The following DTNB variants were observed in gnomAD, a reference collection of about 807,000 sequenced individuals.
DTNB encodes the protein dystrobrevin beta.
A neutral mutation model predicts 90.7 loss-of-function variants in DTNB; 63 were observed. The observed-to-expected ratio is 0.69, with a 90% CI of 0.57 to 0.86. DTNB has a LOEUF of 0.86. Among genes scored for constraint, DTNB ranks in the 40% least tolerant of loss-of-function variants. DTNB has a pLI of 0.00. For missense variants in DTNB, 744 were observed against 807.1 expected (o/e 0.92, Z 0.95); for synonymous variants, 277 against 286.7 (o/e 0.97, Z 0.34).
At chr2:25,445,703 C>T (rs945756680) in intron 12 of DTNB, among the ~76,000 whole-genome samples, 7 of 152,116 alleles carry the variant, frequency 4.6e-5, no homozygotes, top group Non-Finnish European at 8.8e-5. Flanking sequence ...TGAAATACCC[C>T]GCTGGGCATA....
chr2:25,554,143 A>G (rs1022969198), intron 8 of DTNB, among the ~76,000 whole-genome samples: 3 of 152,218 alleles, frequency 2.0e-5, no homozygotes, highest in African/African-American at 7.2e-5. Flanking sequence ...GAATGTGTAT[A>G]GGGAAAAACA....
chr2:25,544,417 G>A (rs1425002765), intron 8 of DTNB, among the ~76,000 whole-genome samples: 1 of 152,184 alleles, frequency 6.6e-6, no homozygotes, highest in Non-Finnish European at 1.5e-5. Context: ...ACGCTGACAG[G>A]CCCTGACATT....
intron 7 of DTNB, among the ~76,000 whole-genome samples, chr2:25,579,759 T>C (rs1345080038): frequency 6.6e-6 from 1 of 152,122 alleles, no homozygotes; most frequent in Non-Finnish European, 1.5e-5. Flanking sequence ...TCTTGGCTAT[T>C]TTTCTTTAAA....
At chr2:25,659,616 T>C (rs764335469) in intron 1 of DTNB, among the ~76,000 whole-genome samples, 13 of 152,154 alleles carry the variant, frequency 8.5e-5, no homozygotes, top group Non-Finnish European at 1.5e-4. Context: ...AGAAATATTA[T>C]GAACAATTCT....
intron 4 of DTNB, among the ~76,000 whole-genome samples, chr2:25,613,866 G>A (rs1225269525): frequency 6.6e-6 from 1 of 152,162 alleles, no homozygotes; most frequent in Non-Finnish European, 1.5e-5. Context: ...GCTGAGGCAG[G>A]AGAATTGCTT....
At chr2:25,603,828 ACAAT>A (rs2148481400) in intron 5 of DTNB, among the ~76,000 whole-genome samples, 1 of 152,320 alleles carries the variant, frequency 6.6e-6, no homozygotes, top group East Asian at 1.9e-4. Flanking sequence ...AAGTGAATAA[ACAAT>A]CAAAGATCAT....
At chr2:25,662,971 T>C (rs2083567209) in intron 1 of DTNB, among the ~76,000 whole-genome samples, 1 of 152,194 alleles carries the variant, frequency 6.6e-6, no homozygotes, top group Non-Finnish European at 1.5e-5. Context: ...GGTATACATG[T>C]GCCATGGTGG....
chr2:25,472,392 G>A (rs1038169338), intron 10 of DTNB, among the ~76,000 whole-genome samples: 1 of 152,192 alleles, frequency 6.6e-6, no homozygotes, highest in Admixed American at 6.5e-5. Flanking sequence ...CCTGCCTGGG[G>A]CATTGTGAGA....
intron 4 of DTNB, among the ~76,000 whole-genome samples, chr2:25,624,963 T>A (rs761567874): frequency 5.9e-5 from 9 of 152,210 alleles, no homozygotes. Flanking sequence ...TATCAAAATA[T>A]AACATATTCA....
At chr2:25,465,749 C>T (rs373880042) in intron 10 of DTNB, among the ~76,000 whole-genome samples, 1 of 152,158 alleles carries the variant, frequency 6.6e-6, no homozygotes, top group African/African-American at 2.4e-5. Flanking sequence ...TGATCAAAGT[C>T]GTCTCTCCGG....
intron 18 of DTNB, among the ~76,000 whole-genome samples, chr2:25,386,484 C>T (rs368907430): frequency 1.3e-5 from 2 of 152,164 alleles, no homozygotes; most frequent in Non-Finnish European, 2.9e-5. Context: ...TGACCTACAG[C>T]GCTTAGGGAG....
At chr2:25,561,328 A>G (rs2058234229) in intron 8 of DTNB, among the ~76,000 whole-genome samples, 1 of 152,130 alleles carries the variant, frequency 6.6e-6, no homozygotes, top group Admixed American at 6.6e-5. Context: ...TCACCCACAC[A>G]ATGTGTGGTG....
chr2:25,529,490 G>C (rs1237020035), intron 9 of DTNB, among the ~76,000 whole-genome samples: 8 of 151,820 alleles, frequency 5.3e-5, no homozygotes, highest in Admixed American at 5.3e-4. Context: ...AAGGGAAAAA[G>C]GTTAACAGAT....
intron 15 of DTNB, 155 bp downstream of exon 15, chr2:25,427,380 T>C: frequency 1.6e-6 from 1 of 614,752 alleles, no homozygotes; most frequent in Admixed American, 3.6e-5. Context: ...TTTAGATGAC[T>C]TTTATACCCA....
chr2:25,408,922 G>A lies in DTNB; in HGVS notation c.1575+10593C>T, dbSNP rs185474141. 3.3e-5 allele frequency among the ~76,000 whole-genome samples: 5 copies of A among 152,266 alleles called. No individual in the cohort carries two copies. In the East Asian group the frequency reaches 9.6e-4, roughly 29 times the overall value. On this transcript the variant is annotated intron_variant, in intron 16 of 20. Transcript: ENST00000406818. ...CAGATGCTCTCAGAGTGAAGTTATG[G>A]AAACAATCCCATGCTGAAAGAAGAT...
chr2:25,590,131 G>C (rs2063269211), intron 6 of DTNB, among the ~76,000 whole-genome samples: 1 of 152,228 alleles, frequency 6.6e-6, no homozygotes, highest in Non-Finnish European at 1.5e-5. Flanking sequence ...AGGAACCACA[G>C]AGCCCCAAGG....
chr2:25,649,248 G>A (rs368764804), intron 2 of DTNB, among the ~76,000 whole-genome samples: 18 of 152,052 alleles, frequency 1.2e-4, no homozygotes, highest in African/African-American at 2.9e-4. Context: ...CTCACGACCC[G>A]CCTGCCTTGG....
At chr2:25,407,799 T>TA (rs2045589847) in intron 16 of DTNB, among the ~76,000 whole-genome samples, 1 of 152,002 alleles carries the variant, frequency 6.6e-6, no homozygotes, top group Admixed American at 6.6e-5. Context: ...GCGTGAAGGA[T>TA]AAAAAACTAC....
At chr2:25,437,683 A>T (rs1209605738) in intron 12 of DTNB, among the ~76,000 whole-genome samples, 1 of 152,242 alleles carries the variant, frequency 6.6e-6, no homozygotes, top group Non-Finnish European at 1.5e-5. Flanking sequence ...TTTCATAACA[A>T]CATAGGAGAC....
Sources: gnomAD v4.1 joint callset for allele counts (sites outside exome capture counted in the v4.1 genomes callset) on GRCh38, gnomAD v4.1.1 for gene constraint, MANE v1.5 for transcripts, NCBI Gene and HGNC (gene_info 2026-07-23, HGNC 2026-07-21) for gene names.